CTNNA2: variants seen among roughly 807,000 people sequenced by gnomAD.
The protein encoded by CTNNA2 is catenin alpha-2.
Under a neutral mutation model 101.0 loss-of-function variants are expected in CTNNA2, and 42 were observed. That is an observed-to-expected ratio of 0.42 (90% CI 0.32 to 0.54). CTNNA2 has a LOEUF of 0.54. Among genes scored for constraint, CTNNA2 ranks in the 20% least tolerant of loss-of-function variants. The probability of loss-of-function intolerance (pLI) is 0.14; values close to 1 mark genes in which losing one functional copy is unlikely to be tolerated. For missense variants in CTNNA2, 871 were observed against 1,223.1 expected (o/e 0.71, Z 4.29); for synonymous variants, 450 against 456.4 (o/e 0.99, Z 0.18).
chr2:80,615,195 A>G (rs1002053061), intron 17 of CTNNA2, among the ~76,000 whole-genome samples: 7 of 151,590 alleles, frequency 4.6e-5, no homozygotes, highest in Non-Finnish European at 8.9e-5. Flanking sequence ...TAGAATCCAT[A>G]GCAAAACTGA....
intron 3 of CTNNA2, among the ~76,000 whole-genome samples, chr2:79,338,389 T>G (rs1355053703): frequency 2.0e-5 from 3 of 151,712 alleles, no homozygotes; most frequent in Admixed American, 2.0e-4. Flanking sequence ...TGAGGGAGGA[T>G]GTATGTCAAG....
At chr2:79,982,285 T>A (rs1443771599) in intron 7 of CTNNA2, among the ~76,000 whole-genome samples, 17 of 131,978 alleles carry the variant, frequency 1.3e-4, no homozygotes, top group African/African-American at 3.9e-4. Flanking sequence ...ATAATATATA[T>A]AACATATATA....
chr2:79,560,477 T>C (rs1674706736), intron 1 of CTNNA2, among the ~76,000 whole-genome samples: 1 of 151,920 alleles, frequency 6.6e-6, no homozygotes, highest in Admixed American at 6.6e-5. Flanking sequence ...TAAAGTGTTA[T>C]TGAAGTTGGC....
chr2:79,377,446 C>T (rs1238412131), intron 4 of CTNNA2, among the ~76,000 whole-genome samples: 1 of 152,080 alleles, frequency 6.6e-6, no homozygotes, highest in Admixed American at 6.6e-5. Context: ...GCTGCTTAGC[C>T]CATAATTGTA....
At chr2:79,970,013 G>A (rs1025128380) in intron 7 of CTNNA2, among the ~76,000 whole-genome samples, 1 of 152,150 alleles carries the variant, frequency 6.6e-6, no homozygotes, top group African/African-American at 2.4e-5. Context: ...CTGTGAAAGC[G>A]ACTGATATTC....
chr2:79,888,122 A>T (rs988237807), intron 6 of CTNNA2, among the ~76,000 whole-genome samples: 2 of 152,212 alleles, frequency 1.3e-5, no homozygotes, highest in East Asian at 1.9e-4. Context: ...ATGTTATGCA[A>T]TGCAAGTCCA....
intron 8 of CTNNA2, among the ~76,000 whole-genome samples, chr2:80,403,437 G>C (rs1243033403): frequency 6.6e-6 from 1 of 152,202 alleles, no homozygotes; most frequent in East Asian, 1.9e-4. Flanking sequence ...AATTGTGGTT[G>C]TCTTTTAGGT....
chr2:80,310,879 A>G (rs1481383208), intron 7 of CTNNA2, among the ~76,000 whole-genome samples: 3 of 151,494 alleles, frequency 2.0e-5, no homozygotes, highest in African/African-American at 7.3e-5. Flanking sequence ...AAGCTGAGGC[A>G]GGAGAATCAC....
At chr2:80,554,969 T>G (rs1692895774) in intron 11 of CTNNA2, among the ~76,000 whole-genome samples, 1 of 152,188 alleles carries the variant, frequency 6.6e-6, no homozygotes, top group South Asian at 2.1e-4. Context: ...AAGCCTCCCC[T>G]CTATGCCTGC....
intron 1 of CTNNA2, among the ~76,000 whole-genome samples, chr2:79,579,080 TC>T (rs1675980361): frequency 1.3e-5 from 2 of 151,430 alleles, no homozygotes; most frequent in Non-Finnish European, 2.9e-5. Context: ...TTCTTCCTCC[TC>T]TTTCTTTCCT....
At chr2:79,509,104 C>T (rs547297834), upstream of CTNNA2, among the ~76,000 whole-genome samples, 6 of 148,686 alleles carry the variant, frequency 4.0e-5, no homozygotes, top group East Asian at 1.2e-3. Flanking sequence ...AAACTTAAAA[C>T]AAGTTATTTT....
chr2:80,613,548 C>A (rs1698628504), intron 17 of CTNNA2, among the ~76,000 whole-genome samples: 1 of 151,222 alleles, frequency 6.6e-6, no homozygotes, highest in East Asian at 2.0e-4. Context: ...TGGTATACTG[C>A]TCCACTATAG....
chr2:79,980,654 AT>A (rs1558695706), intron 7 of CTNNA2, among the ~76,000 whole-genome samples: 1 of 152,188 alleles, frequency 6.6e-6, no homozygotes, highest in Non-Finnish European at 1.5e-5. Context: ...GTAAAATATA[AT>A]GTTAAGAGCA....
At chr2:79,263,557 A>C (rs900260866) in intron 2 of CTNNA2, among the ~76,000 whole-genome samples, 2 of 152,272 alleles carry the variant, frequency 1.3e-5, no homozygotes, top group South Asian at 4.1e-4. Flanking sequence ...CCAGCCTCGG[A>C]TATTTATTTA....
chr2:79,910,616 A>G (rs1006774604), intron 7 of CTNNA2, among the ~76,000 whole-genome samples: 2 of 152,170 alleles, frequency 1.3e-5, no homozygotes, highest in East Asian at 1.9e-4. Flanking sequence ...CAAATTGGGG[A>G]AAAATGTAGA....
chr2:79,805,854 C>T (rs886844473), intron 3 of CTNNA2, among the ~76,000 whole-genome samples: 7 of 151,636 alleles, frequency 4.6e-5, no homozygotes, highest in South Asian at 2.1e-4. Context: ...AGGAGAATGG[C>T]GTGAACCTGG....
chr2:79,998,767 G>A lies in CTNNA2; in HGVS notation c.1056+88970G>A, dbSNP rs114254636. ...TATATATTAAAATTCATACTATTTC[G>A]ATATTTATGCCTATGGCCTTCTAAA... On this transcript the variant is annotated intron_variant, in intron 7 of 18. Coordinates refer to ENST00000402739, the MANE Select transcript of CTNNA2 (RefSeq NM_001282597.3). Among the ~76,000 whole-genome samples the A allele has an allele frequency of 7.1e-3, 1,078 of 152,164 alleles. 12 individuals are homozygous for A. The highest frequency in any genetic ancestry group is 0.025 in the African/African-American group (1,039 of 41,520).
At chr2:79,295,892 C>G (rs1675966573) in intron 2 of CTNNA2, among the ~76,000 whole-genome samples, 1 of 151,284 alleles carries the variant, frequency 6.6e-6, no homozygotes, top group South Asian at 2.1e-4. Flanking sequence ...TTTACCTCAA[C>G]AAAATTGTGG....
At chr2:79,605,916 G>A (rs745478036) in intron 1 of CTNNA2, among the ~76,000 whole-genome samples, 2 of 152,042 alleles carry the variant, frequency 1.3e-5, no homozygotes, top group Non-Finnish European at 2.9e-5. Context: ...GTGACAGGGT[G>A]AGACTCTGTC....
Sources: allele counts gnomAD v4.1 joint callset (sites outside exome capture counted in the v4.1 genomes callset), GRCh38; gene constraint gnomAD v4.1.1; transcripts MANE v1.5; gene names NCBI Gene and HGNC (gene_info 2026-07-23, HGNC 2026-07-21).